The following PDZRN4 variants were observed in gnomAD, a reference collection of about 807,000 sequenced individuals.
The protein encoded by PDZRN4 is PDZ domain-containing RING finger protein 4.
In PDZRN4, 70 loss-of-function variants were observed where a neutral mutation model predicts 99.0. The ratio of observed to expected loss-of-function variants is 0.71; its 90% CI spans 0.58 to 0.86. The LOEUF is 0.86. Ranked by LOEUF, PDZRN4 falls within the 40% of genes least tolerant of loss-of-function variation. The probability of loss-of-function intolerance (pLI) is 0.00; values close to 1 mark genes in which losing one functional copy is unlikely to be tolerated. For synonymous variants in PDZRN4, 551 were observed against 501.6 expected (o/e 1.10, Z -1.32); for missense variants, 1,474 against 1,331.2 (o/e 1.11, Z -1.67).
chr12:41,500,018 A>G (rs537229607), intron 3 of PDZRN4, among the ~76,000 whole-genome samples: 3 of 152,160 alleles, frequency 2.0e-5, no homozygotes, highest in East Asian at 3.9e-4. Context: ...TGTCACAAGT[A>G]ATAGGTTAGG....
chr12:41,493,824 C>T (rs1050536495), intron 3 of PDZRN4, among the ~76,000 whole-genome samples: 6 of 151,282 alleles, frequency 4.0e-5, no homozygotes, highest in African/African-American at 1.5e-4. Flanking sequence ...TCAAAGGTGG[C>T]CTAGGCTGGA....
chr12:41,211,642 A>G (rs1338187860), intron 3 of PDZRN4, among the ~76,000 whole-genome samples: 1 of 151,982 alleles, frequency 6.6e-6, no homozygotes, highest in African/African-American at 2.4e-5. Context: ...GAAGAAGACC[A>G]TCTGTAGATA....
chr12:41,235,969 T>TTAGTAACTTA (rs1951064231), intron 3 of PDZRN4, among the ~76,000 whole-genome samples: 1 of 152,182 alleles, frequency 6.6e-6, no homozygotes, highest in Non-Finnish European at 1.5e-5. Context: ...ACTGTGTAAG[T>TTAGTAACTTA]TAGTAACTTA....
intron 3 of PDZRN4, among the ~76,000 whole-genome samples, chr12:41,320,074 C>G (rs372668110): frequency 2.6e-5 from 4 of 152,248 alleles, no homozygotes; most frequent in African/African-American, 9.6e-5. Flanking sequence ...GCCTGTCTTA[C>G]AGCTGCTGTC....
At chr12:41,547,437 C>A (rs1006674583) in intron 5 of PDZRN4, among the ~76,000 whole-genome samples, 1 of 152,012 alleles carries the variant, frequency 6.6e-6, no homozygotes, top group Non-Finnish European at 1.5e-5. Flanking sequence ...ACCAACCTGG[C>A]CAACATGGTG....
rs201278839 is a variant in PDZRN4 at position 41,573,253 on chromosome 12, A to G, written c.2474A>G (p.Glu825Gly). 6.2e-7 allele frequency: 1 copy of G among 1,614,004 alleles called. No individual in the cohort carries two copies. The highest frequency in any genetic ancestry group is 1.3e-5 in the African/African-American group (1 of 75,054). The change falls in exon 10 of 10, where the codon GAA (glutamate) becomes GGA (glycine). Residue 825 changes from glutamate to glycine, a missense_variant. Transcript: ENST00000402685. ...KLPDQEKAVSEHIPYLSPYHS... is the reference protein window; with the variant it reads ...KLPDQEKAVSGHIPYLSPYHS... ...CCTGATCAAGAGAAGGCAGTCAGCG[A>G]ACACATCCCTTACCTCTCTCCTTAC...
chr12:41,281,981 C>A (rs1329703347), intron 3 of PDZRN4, among the ~76,000 whole-genome samples: 1 of 152,122 alleles, frequency 6.6e-6, no homozygotes, highest in African/African-American at 2.4e-5. Context: ...GCAAAATAAC[C>A]AGCTAACATC....
At chr12:41,339,640 A>G (rs533825876) in intron 3 of PDZRN4, among the ~76,000 whole-genome samples, 61 of 151,038 alleles carry the variant, frequency 4.0e-4, no homozygotes, top group Non-Finnish European at 7.4e-4. Flanking sequence ...AAGTGAACAG[A>G]CAACCCATAG....
At chr12:41,449,424 G>A (rs1952756346) in intron 3 of PDZRN4, among the ~76,000 whole-genome samples, 1 of 152,108 alleles carries the variant, frequency 6.6e-6, no homozygotes, top group South Asian at 2.1e-4. Flanking sequence ...TGTTTCTCAA[G>A]TAAAGGTGCA....
chr12:41,294,589 C>T (rs1307088554), intron 3 of PDZRN4, among the ~76,000 whole-genome samples: 1 of 151,948 alleles, frequency 6.6e-6, no homozygotes, highest in African/African-American at 2.4e-5. Flanking sequence ...AAAGAGAGTA[C>T]TTTGAAACTA....
At chr12:41,416,602 A>G (rs1733245052) in intron 3 of PDZRN4, among the ~76,000 whole-genome samples, 1 of 152,220 alleles carries the variant, frequency 6.6e-6, no homozygotes, top group Admixed American at 6.5e-5. Context: ...GGTTGCAGTG[A>G]GCAGAGATCG....
chr12:41,223,925 G>C (rs959184609), intron 3 of PDZRN4, among the ~76,000 whole-genome samples: 1 of 152,224 alleles, frequency 6.6e-6, no homozygotes, highest in Non-Finnish European at 1.5e-5. Flanking sequence ...CAGAATCTTA[G>C]TGGAGAAAAG....
intron 5 of PDZRN4, among the ~76,000 whole-genome samples, chr12:41,511,688 A>G (rs919856729): frequency 1.3e-5 from 2 of 152,146 alleles, no homozygotes; most frequent in Non-Finnish European, 2.9e-5. Flanking sequence ...AAGAGAGAAT[A>G]ATGGTTCTGC....
At chr12:41,523,930 T>C (rs1421812875) in intron 5 of PDZRN4, among the ~76,000 whole-genome samples, 2 of 152,182 alleles carry the variant, frequency 1.3e-5, no homozygotes, top group African/African-American at 4.8e-5. Context: ...ATGTTTAATG[T>C]GTACAGCTTG....
chr12:41,334,397 A>AAG (rs1217967498), intron 3 of PDZRN4, among the ~76,000 whole-genome samples: 1 of 151,706 alleles, frequency 6.6e-6, no homozygotes. Flanking sequence ...GTTAAAAAAA[A>AAG]AAAAAAAAGA....
At chr12:41,440,679 C>T (rs367588655) in intron 3 of PDZRN4, among the ~76,000 whole-genome samples, 1 of 152,152 alleles carries the variant, frequency 6.6e-6, no homozygotes, top group African/African-American at 2.4e-5. Flanking sequence ...CCAGTATGCA[C>T]ACAGATACAA....
intron 3 of PDZRN4, among the ~76,000 whole-genome samples, chr12:41,392,625 G>A (rs965551225): frequency 1.3e-5 from 2 of 152,160 alleles, no homozygotes; most frequent in South Asian, 2.1e-4. Context: ...AGTTATGCCA[G>A]AAGTTATTAA....
rs201709547 is a variant in PDZRN4 at position 41,567,837 on chromosome 12, T to C, written c.1522T>C (p.Leu508=). 5.9e-5 allele frequency: 95 copies of C among 1,613,580 alleles called. No homozygotes were observed. In the Admixed American group the frequency reaches 1.5e-3, roughly 26 times the overall value. The change falls in exon 9 of 10, where the codon TTG becomes CTG. Residue 508 remains leucine (L), a synonymous_variant. Coordinates refer to ENST00000402685, the MANE Select transcript of PDZRN4 (RefSeq NM_001164595.2). ...ERNEFLEELN[L]EMLEEEHNEA... ...GAATGAATTCTTAGAGGAGTTAAAC[T>C]TGGAGATGTTGGAAGAAGAGCATAA... is the stretch of plus-strand genomic sequence containing the variant.
intron 3 of PDZRN4, among the ~76,000 whole-genome samples, chr12:41,242,099 A>C (rs1951105224): frequency 6.6e-6 from 1 of 152,196 alleles, no homozygotes; most frequent in African/African-American, 2.4e-5. Context: ...GACTCCTGCA[A>C]GATTTTTCAG....
Sources: allele counts gnomAD v4.1 joint callset (sites outside exome capture counted in the v4.1 genomes callset), GRCh38; gene constraint gnomAD v4.1.1; transcripts MANE v1.5; gene names NCBI Gene and HGNC (gene_info 2026-07-23, HGNC 2026-07-21).